The following NFKBIB variants were observed in gnomAD, a reference collection of about 807,000 sequenced individuals.
The protein encoded by NFKBIB is NF-kappa-B inhibitor beta.
Under a neutral mutation model 32.1 loss-of-function variants are expected in NFKBIB, and 16 were observed. The observed-to-expected ratio is 0.50, with a 90% CI of 0.34 to 0.76. NFKBIB has a LOEUF of 0.76. Ranked by LOEUF, NFKBIB falls within the 30% of genes least tolerant of loss-of-function variation. The probability of loss-of-function intolerance (pLI) is 0.01; values close to 1 mark genes in which losing one functional copy is unlikely to be tolerated. For missense variants in NFKBIB, 437 were observed against 514.9 expected, an observed-to-expected ratio of 0.85 and a Z score of 1.46; for synonymous variants, 222 against 219.5, an observed-to-expected ratio of 1.01 and a Z score of -0.10.
At position 38,907,617 on chromosome 19, in the gene NFKBIB, C is replaced by G; in HGVS notation, c.927C>G (p.Gly309=). 1 of 1,611,132 alleles carries G rather than the reference C, an allele frequency of 6.2e-7. No individual in the cohort carries two copies. Among genetic ancestry groups the G allele is most frequent in the Non-Finnish European group, 8.5e-7 (1 of 1,179,164 alleles). The change falls in exon 5 of 6, where the codon GGC becomes GGG. Residue 309 remains glycine (G), a synonymous_variant. Transcript: ENST00000313582. The stretch of plus-strand genomic sequence containing the variant: ...CCGAGGGCGAGGACGAGAAATCCGG[C>G]CCCTGCAGCAGCAGTAGCGACAGCG... ...PEPEGEDEKS[G]PCSSSSDSDS... is the part of the protein sequence containing the mutation.
chr19:38,906,595 G>C (rs1020798773), intron 3 of NFKBIB, among the ~76,000 whole-genome samples: 1 of 147,480 alleles, frequency 6.8e-6, no homozygotes, highest in East Asian at 2.0e-4. Context: ...TCAGCCTCCC[G>C]AGTAGCTGGG....
At position 38,906,965 on chromosome 19, in the gene NFKBIB, CT is replaced by C. The variant is rs200292161; in HGVS notation, c.620-255del. The stretch of plus-strand genomic sequence containing the variant: ...CTCCTGGCCCCAAAATCCAGGCTCC[CT>C]GTCCACAGACCCCAGGCTGTTTACC... On this transcript the variant is annotated intron_variant, in intron 3 of 5. Coordinates refer to ENST00000313582, the MANE Select transcript of NFKBIB (RefSeq NM_002503.5). 8.2e-3 allele frequency among the ~76,000 whole-genome samples: 1,254 copies of C among 152,318 alleles called. 21 individuals carry two copies. Among genetic ancestry groups the C allele is most frequent in the African/African-American group, 0.029 (1,195 of 41,558 alleles).
Position 38,900,172 on chromosome 19 carries a change from C to A in NFKBIB, c.140C>A (p.Ala47Asp). The part of the protein sequence containing the change: ...GAELGPGLSW[A>D]PLVFGYVTED... ...GAGTTGGGCCCGGGGCTGTCGTGGGCTCCCCTCGTCTTCGGCTACGTCACT... is the reference window on the plus strand; with the variant it reads ...GAGTTGGGCCCGGGGCTGTCGTGGGATCCCCTCGTCTTCGGCTACGTCACT... Residue 47 changes from alanine to aspartate, a missense_variant, in exon 1 of 6, where the codon GCT becomes GAT. By Grantham distance (126) the Ala-to-Asp change is moderately radical. Transcript: ENST00000313582. 1 of 1,603,552 alleles carries A rather than the reference C, an allele frequency of 6.2e-7. No homozygotes were observed. Among genetic ancestry groups the A allele is most frequent in the Admixed American group, 1.7e-5 (1 of 58,232 alleles).
Position 38,900,092 on chromosome 19 carries a change from C to A in NFKBIB, c.60C>A (p.Gly20=). ...ACGCAGATGAATGGTGCGACAGCGG[C>A]CTGGGCTCCCTGGGTCCGGACGCAG... The part of the protein sequence containing the change: ...AADADEWCDS[G]LGSLGPDAAA... Residue 20 remains glycine (G), a synonymous_variant, in exon 1 of 6, where the codon GGC becomes GGA. Transcript: ENST00000313582. 1 of 1,551,860 alleles carries A rather than the reference C, an allele frequency of 6.4e-7. No homozygotes were observed. The highest frequency in any genetic ancestry group is 1.4e-5 in the African/African-American group (1 of 72,766).
Position 38,908,873 on chromosome 19 carries a change from A to C in NFKBIB, c.*41A>C. On this transcript the variant is annotated 3_prime_UTR_variant, in exon 6 of 6. Transcript: ENST00000313582. ...ATATAATTTCCAGTTTAATAAACAA[A>C]ACCCTAGTTCTGACAACCAGAGACC... 6.2e-7 allele frequency: 1 copy of C among 1,610,896 alleles called. No homozygotes were observed. Among genetic ancestry groups the C allele is most frequent in the East Asian group, 2.2e-5 (1 of 44,680 alleles).
At chr19:38,900,373 A>G (rs1353851337) in intron 1 of NFKBIB, among the ~76,000 whole-genome samples, 162 bp downstream of exon 1, 1 of 152,152 alleles carries the variant, frequency 6.6e-6, no homozygotes, top group Non-Finnish European at 1.5e-5. Context: ...TAACAAAACC[A>G]ATCTTCTATC....
chr19:38,903,665 G>A (rs1311892694), intron 1 of NFKBIB, among the ~76,000 whole-genome samples: 1 of 152,146 alleles, frequency 6.6e-6, no homozygotes, highest in African/African-American at 2.4e-5. Context: ...TTCACTGATG[G>A]TTCCTATTAT....
Position 38,905,273 on chromosome 19 carries a change from G to T in NFKBIB, c.357G>T (p.Gly119=). 6.3e-7 allele frequency: 1 copy of T among 1,599,042 alleles called. No homozygotes were observed. The highest frequency in any genetic ancestry group is 8.5e-7 in the Non-Finnish European group (1 of 1,173,838). Residue 119 remains glycine (G), a synonymous_variant, in exon 3 of 6, where the codon GGG becomes GGT. Coordinates refer to ENST00000313582, the MANE Select transcript of NFKBIB (RefSeq NM_002503.5). This position sits in a 1 kb window ranked among gnomAD's most constrained non-coding sequence, Gnocchi z 5.5. ...TVEKLYAAGA[G]LCVAERRGHT... is the part of the protein sequence containing the mutation. ...AGAAGCTGTACGCAGCAGGCGCCGG[G>T]CTGTGTGTGGCGGAGCGTAGGGGCC...
chr19:38,903,578 G>A (rs1313174978), intron 1 of NFKBIB, among the ~76,000 whole-genome samples: 6 of 152,014 alleles, frequency 3.9e-5, no homozygotes, highest in Admixed American at 2.0e-4. Flanking sequence ...GTGGGCCACC[G>A]TGCCCAGCAT....
chr19:38,905,569 T>C lies in NFKBIB; in HGVS notation c.619+34T>C, dbSNP rs367712458. The C allele has an allele frequency of 2.6e-6, 4 of 1,541,790 alleles. No individual in the cohort carries two copies. The highest frequency in any genetic ancestry group is 3.5e-6 in the Non-Finnish European group (4 of 1,137,108). ...CGTCACCAGGGAAGGACTCAGCTCCTGGGCTAGGCGAGAGCACCTGGCCCT... is the reference window on the plus strand; with the variant it reads ...CGTCACCAGGGAAGGACTCAGCTCCCGGGCTAGGCGAGAGCACCTGGCCCT... On this transcript the variant is annotated intron_variant, in intron 3 of 5. Coordinates refer to ENST00000313582, the MANE Select transcript of NFKBIB (RefSeq NM_002503.5). This position sits in a 1 kb window ranked among gnomAD's most constrained non-coding sequence, Gnocchi z 5.5.
chr19:38,908,511 C>T lies in NFKBIB; in HGVS notation c.970-220C>T, dbSNP rs561488664. The T allele has an allele frequency of 1.1e-5, 14 of 1,255,454 alleles. No homozygotes were observed. In the East Asian group the frequency reaches 3.6e-4, roughly 32 times the overall value. 77.8% of individuals were successfully genotyped at this position (1,255,454 alleles called of 1,614,324 possible). A position where few individuals can be genotyped will look rare whatever the true frequency, so the allele number is the denominator to read the frequency against. ...CCTAGATCACGCCACTGCATTCCAG[C>T]CTGGGCAACAGAGCGAGACTCCATC... On this transcript the variant is annotated intron_variant, in intron 5 of 5. Coordinates refer to ENST00000313582, the MANE Select transcript of NFKBIB (RefSeq NM_002503.5).
chr19:38,899,692 T>G (rs1973871711), upstream of NFKBIB: 1 of 958,790 alleles, frequency 1.0e-6, no homozygotes, highest in Admixed American at 2.0e-5. Context: ...CAGCAGACAT[T>G]GCGGCCGCAG....
Position 38,908,874 on chromosome 19 carries a change from AC to A in NFKBIB, c.*45del. 1.9e-6 allele frequency: 3 copies of A among 1,609,922 alleles called. No individual in the cohort carries two copies. The highest frequency in any genetic ancestry group is 2.5e-6 in the Non-Finnish European group (3 of 1,178,626). On this transcript the variant is annotated 3_prime_UTR_variant, in exon 6 of 6. Coordinates refer to ENST00000313582, the MANE Select transcript of NFKBIB (RefSeq NM_002503.5). ...TATAATTTCCAGTTTAATAAACAAAACCCTAGTTCTGACAACCAGAGACCAG... is the reference window on the plus strand; with the variant it reads ...TATAATTTCCAGTTTAATAAACAAAACCTAGTTCTGACAACCAGAGACCAG...
chr19:38,905,302 C>T lies in NFKBIB; in HGVS notation c.386C>T (p.Thr129Met), dbSNP rs199793891. 4.3e-5 allele frequency: 69 copies of T among 1,606,312 alleles called. No individual in the cohort carries two copies. Among genetic ancestry groups the T allele is most frequent in the Non-Finnish European group, 5.4e-5 (63 of 1,177,412 alleles). ...TGTGTGGCGGAGCGTAGGGGCCACA[C>T]GGCGCTGCACCTGGCCTGCCGTGTG... ...GLCVAERRGH[T>M]ALHLACRVGA... is the part of the protein sequence containing the mutation. Residue 129 changes from threonine (T) to methionine (M), a missense_variant, in exon 3 of 6, where the codon ACG (threonine) becomes ATG (methionine). Thr to Met is a moderately conservative substitution (Grantham distance 81, BLOSUM62 -1). Coordinates refer to ENST00000313582, the MANE Select transcript of NFKBIB (RefSeq NM_002503.5). This position sits in a 1 kb window ranked among gnomAD's most constrained non-coding sequence, Gnocchi z 5.5.
At chr19:38,903,456 T>C (rs1052466062) in intron 1 of NFKBIB, among the ~76,000 whole-genome samples, 1 of 151,924 alleles carries the variant, frequency 6.6e-6, no homozygotes, top group Non-Finnish European at 1.5e-5. Flanking sequence ...GCTAAATTTT[T>C]TTTGTATTTT....
intron 5 of NFKBIB, 35 bp downstream of exon 5, chr19:38,907,694 G>C (rs1336469215): frequency 6.4e-7 from 1 of 1,566,886 alleles, no homozygotes; most frequent in Admixed American, 1.9e-5. Flanking sequence ...AGCCCAGCTG[G>C]GGGGTCAGGA....
chr19:38,904,931 A>T, intron 1 of NFKBIB, 84 bp from the exon 2 acceptor site: 2 of 1,319,028 alleles, frequency 1.5e-6, no homozygotes, highest in Non-Finnish European at 2.2e-6. Context: ...AAGGCCTAGC[A>T]TACAGTAGGC....
At chr19:38,899,783 T>C (rs1600138593), upstream of NFKBIB, 3 of 674,008 alleles carry the variant, frequency 4.5e-6, no homozygotes, top group East Asian at 8.2e-5. Context: ...CCAGAAGGCG[T>C]GGCGTCAGCA....
intron 1 of NFKBIB, among the ~76,000 whole-genome samples, chr19:38,904,487 T>C (rs1044002736): frequency 4.6e-5 from 7 of 152,220 alleles, no homozygotes; most frequent in Non-Finnish European, 1.0e-4. Context: ...CTCTGTTTTG[T>C]ACTCTGTCCT....
Sources: allele counts gnomAD v4.1 joint callset (sites outside exome capture counted in the v4.1 genomes callset), GRCh38; gene constraint gnomAD v4.1.1; non-coding constraint Gnocchi (gnomAD v3.1); transcripts MANE v1.5; gene names NCBI Gene and HGNC (gene_info 2026-07-23, HGNC 2026-07-21).